FMN2: variants seen among roughly 807,000 people sequenced by gnomAD.
FMN2 encodes formin 2.
In FMN2, 51 loss-of-function variants were observed where a neutral mutation model predicts 142.3. That is an observed-to-expected ratio of 0.36 (90% CI 0.29 to 0.45). The LOEUF is 0.45. Ranked by LOEUF, FMN2 falls within the 20% of genes least tolerant of loss-of-function variation. The probability of loss-of-function intolerance (pLI) is 1.00; values close to 1 mark genes in which losing one functional copy is unlikely to be tolerated. For missense variants in FMN2, 1,936 were observed against 2,122.8 expected (o/e 0.91, Z 1.73); for synonymous variants, 882 against 869.8 (o/e 1.01, Z -0.25).
chr1:240,315,216 T>C (rs982021816), intron 8 of FMN2, among the ~76,000 whole-genome samples: 1 of 152,202 alleles, frequency 6.6e-6, no homozygotes, highest in South Asian at 2.1e-4. Context: ...TGTGGTCATA[T>C]AAGGTAGAGG....
intron 14 of FMN2, among the ~76,000 whole-genome samples, chr1:240,390,350 G>T (rs1359521868): frequency 1.3e-5 from 2 of 152,076 alleles, no homozygotes; most frequent in Non-Finnish European, 2.9e-5. Context: ...TTTATATTTT[G>T]TTCCCTCGAT....
intron 8 of FMN2, among the ~76,000 whole-genome samples, chr1:240,322,515 T>TG (rs1335043636): frequency 6.6e-6 from 1 of 152,194 alleles, no homozygotes; most frequent in Non-Finnish European, 1.5e-5. Flanking sequence ...AGACAGGTGT[T>TG]GTCCCTGTCC....
chr1:240,178,154 CTTTTA>C, intron 3 of FMN2, 86 bp downstream of exon 3: 1 of 1,344,018 alleles, frequency 7.4e-7, no homozygotes, highest in Non-Finnish European at 9.7e-7. Context: ...TTTAAGTAAT[CTTTTA>C]TTTTTAATTG....
At chr1:240,401,729 A>C (rs1673997157) in intron 15 of FMN2, among the ~76,000 whole-genome samples, 1 of 152,228 alleles carries the variant, frequency 6.6e-6, no homozygotes, top group African/African-American at 2.4e-5. Flanking sequence ...TTTCTGTACC[A>C]AAAGAGAAGT....
At chr1:240,424,820 A>G (rs1674882894) in intron 15 of FMN2, among the ~76,000 whole-genome samples, 1 of 152,212 alleles carries the variant, frequency 6.6e-6, no homozygotes, top group African/African-American at 2.4e-5. Context: ...AAGTCCACAG[A>G]AGACATGGCT....
At chr1:240,283,174 G>T (rs35068514) in intron 7 of FMN2, among the ~76,000 whole-genome samples, 20,607 of 151,986 alleles carry the variant, frequency 0.14, 1,482 homozygotes, top group African/African-American at 0.19. Context: ...CATCTTCTCA[G>T]CAGATTAATT....
intron 14 of FMN2, among the ~76,000 whole-genome samples, chr1:240,368,244 G>T (rs761533382): frequency 1.3e-5 from 2 of 152,158 alleles, no homozygotes; most frequent in Non-Finnish European, 2.9e-5. Context: ...TAAGAATTAA[G>T]TTGTTAAGTT....
intron 8 of FMN2, among the ~76,000 whole-genome samples, chr1:240,325,815 T>C (rs190338111): frequency 2.6e-5 from 4 of 152,314 alleles, no homozygotes; most frequent in Non-Finnish European, 5.9e-5. Flanking sequence ...AAGTGCTGGC[T>C]AGTGTTTCTG....
At chr1:240,209,301 AGTGCAGCG>A (rs904709907) in intron 5 of FMN2, among the ~76,000 whole-genome samples, 7 of 149,480 alleles carry the variant, frequency 4.7e-5, no homozygotes, top group Non-Finnish European at 1.0e-4. Flanking sequence ...CCCAGGCTGG[AGTGCAGCG>A]GTGCAGCCTC....
intron 1 of FMN2, among the ~76,000 whole-genome samples, chr1:240,096,823 T>C (rs1236899302): frequency 6.6e-6 from 1 of 152,244 alleles, no homozygotes; most frequent in Non-Finnish European, 1.5e-5. Flanking sequence ...TGTCTGTGTC[T>C]CTTTGGTAGA....
intron 6 of FMN2, among the ~76,000 whole-genome samples, chr1:240,228,322 A>AAAAAAAAAAAAAAAAAAC (rs1667401528): frequency 1.4e-5 from 1 of 71,108 alleles, no homozygotes; most frequent in Non-Finnish European, 2.6e-5. Flanking sequence ...AAAAAAAAAA[A>AAAAAAAAAAAAAAAAAAC]AAAAAAAAAA....
chr1:240,241,297 A>G (rs1210907598), intron 6 of FMN2, among the ~76,000 whole-genome samples: 2 of 151,478 alleles, frequency 1.3e-5, no homozygotes, highest in African/African-American at 4.8e-5. Flanking sequence ...TTTCTAAGAA[A>G]GGAAAAGTTA....
chr1:240,328,147 C>CAAAAAAAAAAAAAAAAAAAAAAAAAAAAA (rs780595882), intron 8 of FMN2, among the ~76,000 whole-genome samples: 19 of 51,432 alleles, frequency 3.7e-4, no homozygotes, highest in East Asian at 1.3e-3. Flanking sequence ...GACCCCATCT[C>CAAAAAAAAAAAAAAAAAAAAAAAAAAAAA]AAAAAAAAAA....
chr1:240,401,219 G>T (rs1404207939), intron 15 of FMN2: 2 of 151,608 alleles, frequency 1.3e-5, no homozygotes, highest in African/African-American at 2.4e-5. Context: ...GCAAAGCCTA[G>T]AGGGAGAGGA....
chr1:240,346,271 TTAA>T (rs147700048), intron 13 of FMN2, among the ~76,000 whole-genome samples: 1,978 of 151,980 alleles, frequency 0.013, 22 homozygotes, highest in African/African-American at 0.028. Flanking sequence ...CAGTAAGAAA[TTAA>T]TAATAATAAT....
At position 240,207,729 on chromosome 1, in the gene FMN2, G is replaced by A. The variant is rs138468405; in HGVS notation, c.2917G>A (p.Ala973Thr). 7.4e-4 allele frequency: 1,096 copies of A among 1,485,956 alleles called. 10 individuals are homozygous for A. The highest frequency in any genetic ancestry group is 8.7e-4 in the Non-Finnish European group (952 of 1,090,338). The allele number at this position is 1,485,956 out of a possible 1,614,324, so 92.0% of individuals were successfully genotyped here. Residue 973 changes from alanine to threonine, a missense_variant, in exon 5 of 18, where the codon GCA (alanine) becomes ACA (threonine). By Grantham distance (58) the Ala-to-Thr change is moderately conservative. Transcript: ENST00000319653. ...ACCCCTTCCTCCCCCTCTTCCCGGA[G>A]CAGGAATACCTCCTCCACCCCCTCT... Reference protein sequence around the residue: ...GIPLPPPLPGAGIPPPPPLPG... With the variant: ...GIPLPPPLPGTGIPPPPPLPG...
intron 2 of FMN2, among the ~76,000 whole-genome samples, chr1:240,151,933 AT>A (rs375933496): frequency 2.0e-5 from 3 of 151,532 alleles, no homozygotes; most frequent in Admixed American, 1.3e-4. Flanking sequence ...AGCCAATCTA[AT>A]TTTTTTTCTT....
At chr1:240,404,994 TC>T (rs2103115499) in intron 15 of FMN2, among the ~76,000 whole-genome samples, 1 of 152,328 alleles carries the variant, frequency 6.6e-6, no homozygotes, top group Admixed American at 6.5e-5. Flanking sequence ...ATGGAAGCTT[TC>T]CTTTGTATAA....
intron 4 of FMN2, among the ~76,000 whole-genome samples, chr1:240,189,211 A>G (rs1476754916): frequency 6.6e-6 from 1 of 151,578 alleles, no homozygotes; most frequent in Non-Finnish European, 1.5e-5. Context: ...ACGTGTATGG[A>G]ATAGTAATTG....
Sources: allele counts gnomAD v4.1 joint callset (sites outside exome capture counted in the v4.1 genomes callset), GRCh38; gene constraint gnomAD v4.1.1; transcripts MANE v1.5; gene names NCBI Gene and HGNC (gene_info 2026-07-23, HGNC 2026-07-21).